PRDM10: variants seen among roughly 807,000 people sequenced by gnomAD.
PRDM10 encodes the protein PR/SET domain 10.
A neutral mutation model predicts 133.1 loss-of-function variants in PRDM10; 65 were observed. The observed-to-expected ratio is 0.49, with a 90% CI of 0.40 to 0.60. PRDM10 has a LOEUF of 0.60. Ranked by LOEUF, PRDM10 falls within the 20% of genes least tolerant of loss-of-function variation. The probability of loss-of-function intolerance (pLI) is 0.00; values close to 1 mark genes in which losing one functional copy is unlikely to be tolerated. For missense variants in PRDM10, 1,137 were observed against 1,507.1 expected, an observed-to-expected ratio of 0.75 and a Z score of 4.07; for synonymous variants, 582 against 580.4, an observed-to-expected ratio of 1.00 and a Z score of -0.04.
At chr11:129,955,686 C>G in intron 3 of PRDM10, 115 bp from the exon 4 acceptor site, 1 of 825,534 alleles carries the variant, frequency 1.2e-6, no homozygotes, top group South Asian at 1.7e-5. Context: ...CCCATTTTAG[C>G]CAGTAATAAG....
In PRDM10 at chr11:129,977,963, T is replaced by TA. The variant is rs200249658; in HGVS notation, c.-118-16882dup. ...GCGACAGAGTGAGAGACCCTGTCTT[T>TA]AAAAAAAAAAAGAAAGAAAGAAAGA... is the stretch of plus-strand genomic sequence containing the variant. On this transcript the variant is annotated intron_variant, in intron 1 of 20. Transcript: ENST00000360871. Among the ~76,000 whole-genome samples, 519 of 145,810 alleles carry TA rather than the reference T, an allele frequency of 3.6e-3. 2 individuals carry two copies. Among genetic ancestry groups the TA allele is most frequent in the Admixed American group, 7.2e-3 (107 of 14,760 alleles).
At position 129,917,109 on chromosome 11, in the gene PRDM10, T is replaced by C. The variant is rs2135753785; in HGVS notation, c.2325+18A>G. On this transcript the variant is annotated intron_variant, in intron 15 of 20. Transcript: ENST00000360871. ...AGGGAACCCCAGTGGCATACCAATA[T>C]GAATATTTCCCTTTTACCTTATCGC... 1 of 1,568,194 alleles carries C rather than the reference T, an allele frequency of 6.4e-7. No homozygotes were observed. The highest frequency in any genetic ancestry group is 8.8e-7 in the Non-Finnish European group (1 of 1,140,340).
At chr11:129,950,628 C>T (rs1392156449) in intron 4 of PRDM10, among the ~76,000 whole-genome samples, 2 of 152,180 alleles carry the variant, frequency 1.3e-5, no homozygotes, top group Non-Finnish European at 2.9e-5. Context: ...TGTATTCCTG[C>T]TCCCCATCTC....
chr11:129,978,010 A>G (rs746913109), intron 1 of PRDM10, among the ~76,000 whole-genome samples: 12 of 144,942 alleles, frequency 8.3e-5, no homozygotes, highest in Non-Finnish European at 1.8e-4. Flanking sequence ...CCAGGCTTTC[A>G]TAAAGGATTT....
At position 129,918,418 on chromosome 11, in the gene PRDM10, G is replaced by C; in HGVS notation, c.2214+121C>G. ...TCGTTTGCCTCTGTTTCTTCCCCTG[G>C]ACATTGACAAAACCATTGATCGATA... On this transcript the variant is annotated intron_variant, in intron 14 of 20. Coordinates refer to ENST00000360871, the MANE Select transcript of PRDM10 (RefSeq NM_199437.2). This position sits in a 1 kb window ranked among gnomAD's most constrained non-coding sequence, Gnocchi z 5.3. 1.6e-6 allele frequency: 2 copies of C among 1,223,176 alleles called. No homozygotes were observed. Among genetic ancestry groups the C allele is most frequent in the Non-Finnish European group, 2.2e-6 (2 of 924,794 alleles). The allele number at this position is 1,223,176 out of a possible 1,614,324, so 75.8% of individuals were successfully genotyped here.
At chr11:129,917,034 C>T (rs902310238) in intron 15 of PRDM10, 93 bp downstream of exon 15, 8 of 835,878 alleles carry the variant, frequency 9.6e-6, no homozygotes, top group Non-Finnish European at 1.4e-5. Context: ...GTAAGAGTAA[C>T]AAAAAAATCG....
At chr11:129,964,206 C>T (rs535017460) in intron 1 of PRDM10, among the ~76,000 whole-genome samples, 16 of 152,286 alleles carry the variant, frequency 1.1e-4, no homozygotes, top group Admixed American at 2.0e-4. Context: ...TGGGGTGCTG[C>T]GGGGATCGGC....
At chr11:130,001,426 T>C (rs934744606) in intron 1 of PRDM10, among the ~76,000 whole-genome samples, 2 of 152,132 alleles carry the variant, frequency 1.3e-5, no homozygotes, top group African/African-American at 2.4e-5. Context: ...GGTTAAGTAC[T>C]GCTAAGTTTA....
rs545964011 is a variant in PRDM10 at position 129,981,281 on chromosome 11, A to G, written c.-118-20199T>C. On this transcript the variant is annotated intron_variant, in intron 1 of 20. Transcript: ENST00000360871. Reference sequence around the variant, plus strand: ...CAGTGAATCGGGGAAAAATTCTGACAGTACAGAATTGTTTGAAATAAAAAG... The same window carrying G: ...CAGTGAATCGGGGAAAAATTCTGACGGTACAGAATTGTTTGAAATAAAAAG... Among the ~76,000 whole-genome samples, 7 of 152,310 alleles carry G rather than the reference A, an allele frequency of 4.6e-5. No homozygotes were observed. The South Asian group carries it at 1.0e-3, about 23-fold the overall frequency.
chr11:129,954,337 A>C (rs1951654550), intron 4 of PRDM10, among the ~76,000 whole-genome samples: 1 of 149,810 alleles, frequency 6.7e-6, no homozygotes, highest in African/African-American at 2.5e-5. Flanking sequence ...ATCTTGGCTC[A>C]CTGCAACCTC....
At position 129,945,740 on chromosome 11, in the gene PRDM10, A is replaced by G. The variant is rs546678034; in HGVS notation, c.521-728T>C. Among the ~76,000 whole-genome samples, 1 of 152,164 alleles carries G rather than the reference A, an allele frequency of 6.6e-6. No individual in the cohort carries two copies. Among genetic ancestry groups the G allele is most frequent in the Non-Finnish European group, 1.5e-5 (1 of 68,034 alleles). The stretch of plus-strand genomic sequence containing the variant: ...CGAGACAGGTACAGCCCCAAAACGG[A>G]GGAGAGCAAATGGACCACACAGGCC... On this transcript the variant is annotated intron_variant, in intron 5 of 20. Transcript: ENST00000360871. The surrounding 1 kb of genome is among the most constrained non-coding windows in gnomAD (Gnocchi z 4.2).
chr11:129,915,826 ATGTGGGCTTTGCGCTTG>A lies in PRDM10; in HGVS notation c.2343_2359del (p.Lys782SerfsTer179). ...CTCTGCTCCTGGGTGGTTCTTCAGA[ATGTGGGCTTTGCGCTTG>A]CTGGCACTTTTATAAACCTGCAAAT... is the stretch of plus-strand genomic sequence containing the variant. On this transcript the variant is annotated frameshift_variant, in exon 16 of 21. Transcript: ENST00000360871. LOFTEE classifies it high-confidence loss of function. 6.2e-7 allele frequency: 1 copy of A among 1,614,202 alleles called. No individual in the cohort carries two copies. The highest frequency in any genetic ancestry group is 2.2e-5 in the East Asian group (1 of 44,880).
intron 1 of PRDM10, among the ~76,000 whole-genome samples, chr11:129,977,386 C>T (rs572759162): frequency 9.7e-4 from 147 of 152,042 alleles, no homozygotes; most frequent in Non-Finnish European, 1.7e-3. Flanking sequence ...CTGGTTCAAA[C>T]GATTATCCTG....
intron 11 of PRDM10, 114 bp from the exon 12 acceptor site, chr11:129,925,343 G>A: frequency 9.9e-7 from 1 of 1,007,894 alleles, no homozygotes; most frequent in South Asian, 1.7e-5. Flanking sequence ...TCCCATAGAA[G>A]TTCAACTCTA....
At chr11:129,913,418 GGA>G (rs1221249284) in intron 17 of PRDM10, among the ~76,000 whole-genome samples, 1 of 152,094 alleles carries the variant, frequency 6.6e-6, no homozygotes, top group African/African-American at 2.4e-5. Context: ...TGGAAGAGAA[GGA>G]GAGAGAGGGA....
Position 129,947,489 on chromosome 11 carries a change from C to A in PRDM10, c.295-119G>T. On this transcript the variant is annotated intron_variant, in intron 4 of 20. Transcript: ENST00000360871. The surrounding 1 kb of genome is among the most constrained non-coding windows in gnomAD (Gnocchi z 4.6). Reference sequence around the variant, plus strand: ...CTGAAATCTAGTCTTCCTACCAACTCCTTCCAGGCCCTGGAAAAATGACTT... The same window carrying A: ...CTGAAATCTAGTCTTCCTACCAACTACTTCCAGGCCCTGGAAAAATGACTT... 1 of 1,533,746 alleles carries A rather than the reference C, an allele frequency of 6.5e-7. No individual in the cohort carries two copies. The highest frequency in any genetic ancestry group is 8.8e-7 in the Non-Finnish European group (1 of 1,141,554).
At chr11:129,961,492 G>A (rs1159627508) in intron 1 of PRDM10, among the ~76,000 whole-genome samples, 1 of 152,008 alleles carries the variant, frequency 6.6e-6, no homozygotes, top group Non-Finnish European at 1.5e-5. Flanking sequence ...TTTTAGTAGA[G>A]ATGTGTTTTC....
rs751484677 is a variant in PRDM10, at chr11:129,935,131, G to A, written c.1127C>T (p.Ser376Phe). Residue 376 changes from serine (S) to phenylalanine (F), a missense_variant, in exon 9 of 21, where the codon TCT becomes TTT. By Grantham distance (155) the Ser-to-Phe change is radical. Coordinates refer to ENST00000360871, the MANE Select transcript of PRDM10 (RefSeq NM_199437.2). ...SSEQLQQHLN[S>F]HDEKLDVFSR... ...AAACACATCTAGTTTCTCATCATGA[G>A]AATTGAGATGCTGTTGCAACTGCTC... The A allele has an allele frequency of 1.2e-5, 19 of 1,613,844 alleles. No homozygotes were observed. Among genetic ancestry groups the A allele is most frequent in the Non-Finnish European group, 1.4e-5 (17 of 1,179,864 alleles).
intron 6 of PRDM10, among the ~76,000 whole-genome samples, chr11:129,943,915 C>A (rs983223445): frequency 2.0e-4 from 30 of 152,090 alleles, no homozygotes; most frequent in African/African-American, 7.0e-4. Flanking sequence ...ATCGCTTGAA[C>A]CTGGAGGCAG....
Sources: allele counts gnomAD v4.1 joint callset (sites outside exome capture counted in the v4.1 genomes callset), GRCh38; gene constraint gnomAD v4.1.1; non-coding constraint Gnocchi (gnomAD v3.1); transcripts MANE v1.5; gene names NCBI Gene and HGNC (gene_info 2026-07-23, HGNC 2026-07-21).